Variants in DYNC1I1 observed in about 807,000 individuals in gnomAD.
DYNC1I1 encodes dynein cytoplasmic 1 intermediate chain 1, also known as cytoplasmic dynein 1 intermediate chain 1.
A neutral mutation model predicts 86.6 loss-of-function variants in DYNC1I1; 43 were observed. The observed-to-expected ratio is 0.50, with a 90% CI of 0.39 to 0.64. The LOEUF is 0.64. DYNC1I1 is among the 30% of genes least tolerant of loss of function. DYNC1I1 has a pLI of 0.00. For synonymous variants in DYNC1I1, 262 were observed against 283.7 expected (o/e 0.92, Z 0.77); for missense variants, 604 against 788.8 (o/e 0.77, Z 2.81).
At chr7:95,836,995 G>C (rs1451306408) in intron 5 of DYNC1I1, among the ~76,000 whole-genome samples, 6 of 152,134 alleles carry the variant, frequency 3.9e-5, no homozygotes, top group African/African-American at 1.2e-4. Context: ...GTCCAGCTTT[G>C]TTCCGTTGCT....
chr7:95,983,288 G>C (rs1163582805), intron 7 of DYNC1I1, among the ~76,000 whole-genome samples: 92 of 152,116 alleles, frequency 6.0e-4, no homozygotes, highest in Non-Finnish European at 4.4e-5. Context: ...TGGAGACCTA[G>C]ACAGCAAAGA....
At chr7:95,933,300 G>C (rs1728400882) in intron 6 of DYNC1I1, among the ~76,000 whole-genome samples, 6 of 152,148 alleles carry the variant, frequency 3.9e-5, no homozygotes, top group Admixed American at 3.9e-4. Flanking sequence ...CCACAGCAAA[G>C]AAGAGTCCAA....
chr7:96,057,657 A>T (rs1464065563), intron 14 of DYNC1I1, among the ~76,000 whole-genome samples: 1 of 152,174 alleles, frequency 6.6e-6, no homozygotes, highest in Non-Finnish European at 1.5e-5. Context: ...TATTGCATTT[A>T]TGTGTTAGTT....
At chr7:95,899,529 C>G (rs1264897456) in intron 6 of DYNC1I1, among the ~76,000 whole-genome samples, 1 of 152,148 alleles carries the variant, frequency 6.6e-6, no homozygotes, top group Non-Finnish European at 1.5e-5. Context: ...GTTGGTTCCA[C>G]CAAGTCAGAA....
In DYNC1I1 at chr7:96,098,078, C is replaced by CTTA; in HGVS notation, c.*488_*490dup. 1.0e-6 allele frequency: 1 copy of CTTA among 988,518 alleles called. No homozygotes were observed. The highest frequency in any genetic ancestry group is 1.7e-5 in the African/African-American group (1 of 57,378). 61.2% of individuals were successfully genotyped at this position (988,518 alleles called of 1,614,324 possible). A position where few individuals can be genotyped will look rare whatever the true frequency, so the allele number is the denominator to read the frequency against. On this transcript the variant is annotated 3_prime_UTR_variant, in exon 17 of 17. Coordinates refer to ENST00000447467, the MANE Select transcript of DYNC1I1 (RefSeq NM_001135556.2). ...ATTTACTAGAAGAACATTGCTGCTC[C>CTTA]TTATTTATTGTAGTGTGCTGCATGG...
chr7:95,889,808 G>C (rs1030752559), intron 6 of DYNC1I1, among the ~76,000 whole-genome samples: 1 of 152,276 alleles, frequency 6.6e-6, no homozygotes. Flanking sequence ...CTTTTCAAAA[G>C]AAGACATACA....
At chr7:95,903,975 G>A (rs1313999687) in intron 6 of DYNC1I1, among the ~76,000 whole-genome samples, 4 of 152,192 alleles carry the variant, frequency 2.6e-5, no homozygotes, top group Non-Finnish European at 4.4e-5. Flanking sequence ...ACAGGTGGGT[G>A]GAGAGGAGCA....
intron 6 of DYNC1I1, among the ~76,000 whole-genome samples, chr7:95,916,820 C>G (rs1411308416): frequency 6.6e-6 from 1 of 152,192 alleles, no homozygotes; most frequent in African/African-American, 2.4e-5. Flanking sequence ...CTGATTTCAG[C>G]ACTTTCAAAA....
chr7:95,847,179 G>A (rs1789455119), intron 5 of DYNC1I1, among the ~76,000 whole-genome samples: 1 of 152,058 alleles, frequency 6.6e-6, no homozygotes, highest in African/African-American at 2.4e-5. Context: ...TCCATATCAA[G>A]TAAACTAAGA....
At chr7:95,785,775 G>GTATATATA (rs200152096) in intron 1 of DYNC1I1, among the ~76,000 whole-genome samples, 32 of 124,838 alleles carry the variant, frequency 2.6e-4, no homozygotes, top group East Asian at 5.2e-4. Flanking sequence ...GTGTGTATGT[G>GTATATATA]TATATATATA....
intron 16 of DYNC1I1, among the ~76,000 whole-genome samples, chr7:96,090,710 A>C (rs567095816): frequency 6.6e-6 from 1 of 152,298 alleles, no homozygotes; most frequent in African/African-American, 2.4e-5. Flanking sequence ...ATGTTGCTTA[A>C]TTTTACAGAA....
rs112264612 is a variant in DYNC1I1, at chr7:95,851,900, G to A, written c.375-17983G>A. On this transcript the variant is annotated intron_variant, in intron 5 of 16. Coordinates refer to ENST00000447467, the MANE Select transcript of DYNC1I1 (RefSeq NM_001135556.2). ...GCTGGTCTTGAACTCCTGACCTTAG[G>A]TGATCCGCCCTCCTTGGCCTCACAA... Among the ~76,000 whole-genome samples, 1,514 of 152,254 alleles carry A rather than the reference G, an allele frequency of 9.9e-3. 20 individuals are homozygous for A. Among genetic ancestry groups the A allele is most frequent in the African/African-American group, 0.034 (1,419 of 41,528 alleles).
At chr7:95,821,723 T>C (rs1795080418) in intron 4 of DYNC1I1, among the ~76,000 whole-genome samples, 1 of 152,106 alleles carries the variant, frequency 6.6e-6, no homozygotes, top group African/African-American at 2.4e-5. Context: ...GCTGTTTTAT[T>C]TTCATAGGCT....
intron 10 of DYNC1I1, among the ~76,000 whole-genome samples, chr7:96,013,339 C>T (rs772635701): frequency 6.6e-6 from 1 of 152,094 alleles, no homozygotes; most frequent in Non-Finnish European, 1.5e-5. Flanking sequence ...CTTTACCCTC[C>T]AAAAAGAAAC....
intron 14 of DYNC1I1, among the ~76,000 whole-genome samples, chr7:96,068,593 A>G (rs1272105277): frequency 6.6e-6 from 1 of 152,188 alleles, no homozygotes; most frequent in Non-Finnish European, 1.5e-5. Flanking sequence ...ACTTGGGTAT[A>G]CATTTCTTGA....
At chr7:95,933,498 T>A (rs1791957699) in intron 6 of DYNC1I1, among the ~76,000 whole-genome samples, 1 of 152,248 alleles carries the variant, frequency 6.6e-6, no homozygotes, top group Admixed American at 6.5e-5. Context: ...TAATTTTGTT[T>A]CTTGTAAAGC....
At chr7:96,026,735 A>G (rs900783183) in intron 10 of DYNC1I1, among the ~76,000 whole-genome samples, 1 of 151,766 alleles carries the variant, frequency 6.6e-6, no homozygotes. Flanking sequence ...GCTTCTCTCC[A>G]CTGTTTGAAT....
intron 1 of DYNC1I1, chr7:95,804,210 G>C (rs1584238334): frequency 7.9e-6 from 2 of 254,640 alleles, no homozygotes; most frequent in East Asian, 2.9e-4. Flanking sequence ...AATAATGTTA[G>C]GCAAAATGAA....
At chr7:95,811,235 T>C (rs2690296) in intron 3 of DYNC1I1, among the ~76,000 whole-genome samples, 41,265 of 151,954 alleles carry the variant, frequency 0.27, 6,284 homozygotes, top group African/African-American at 0.41. Flanking sequence ...TGTAATAGTT[T>C]TATTTTTCTT....
Sources: allele counts gnomAD v4.1 joint callset (sites outside exome capture counted in the v4.1 genomes callset), GRCh38; gene constraint gnomAD v4.1.1; transcripts MANE v1.5; gene names NCBI Gene and HGNC (gene_info 2026-07-23, HGNC 2026-07-21).